The following ONECUT3 variants were observed in gnomAD, a reference collection of about 807,000 sequenced individuals.
ONECUT3 encodes one cut domain family member 3.
A neutral mutation model predicts 16.8 loss-of-function variants in ONECUT3; 11 were observed. The ratio of observed to expected loss-of-function variants is 0.66; its 90% confidence interval spans 0.41 to 1.09. The LOEUF is 1.09. Ranked by LOEUF, ONECUT3 falls within the 50% of genes least tolerant of loss-of-function variation. ONECUT3 has a pLI of 0.00. For synonymous variants in ONECUT3, 344 were observed against 310.7 expected, an observed-to-expected ratio of 1.11 and a Z score of -1.13; for missense variants, 637 against 629.9, an observed-to-expected ratio of 1.01 and a Z score of -0.12.
intron 1 of ONECUT3, among the ~76,000 whole-genome samples, chr19:1,774,785 T>C (rs1600363342): frequency 1.3e-5 from 2 of 151,700 alleles, no homozygotes; most frequent in Non-Finnish European, 2.9e-5. Context: ...TCACACTGTG[T>C]CCCCTTCTTT....
In ONECUT3 at chr19:1,779,735, G is replaced by A. The variant is rs1338235024; in HGVS notation, c.*4290G>A. Reference sequence around the variant, plus strand: ...GCATCTGTGTGTCTGGTGCCTGATCGGTGCTGTTCAGTGGTTTTTCGTTAC... The same window carrying A: ...GCATCTGTGTGTCTGGTGCCTGATCAGTGCTGTTCAGTGGTTTTTCGTTAC... On this transcript the variant is annotated 3_prime_UTR_variant, in exon 2 of 2. Transcript: ENST00000382349. 2 of 151,832 alleles carry A rather than the reference G, an allele frequency of 1.3e-5. No homozygotes were observed. Among genetic ancestry groups the A allele is most frequent in the African/African-American group, 2.4e-5 (1 of 41,306 alleles). The allele number at this position is 151,832 out of a possible 1,614,324, so 9.4% of individuals were successfully genotyped here.
Position 1,753,848 on chromosome 19 carries a change from T to C in ONECUT3, c.186T>C (p.Gly62=), listed in dbSNP as rs940657435. ...SLLDGGGGGG[G]GGAGGAGGAG... is the part of the protein sequence containing the mutation. ...TGGACGGCGGCGGCGGCGGCGGCGG[T>C]GGGGGCGCCGGGGGCGCGGGCGGCG... Residue 62 remains glycine (G), a synonymous_variant, in exon 1 of 2, where the codon GGT becomes GGC. Coordinates refer to ENST00000382349, the MANE Select transcript of ONECUT3 (RefSeq NM_001080488.2). The C allele has an allele frequency of 2.0e-5, 19 of 948,720 alleles. No homozygotes were observed. The highest frequency in any genetic ancestry group is 9.6e-5 in the South Asian group (2 of 20,840). 58.8% of individuals were successfully genotyped at this position (948,720 alleles called of 1,614,324 possible).
At position 1,753,758 on chromosome 19, in the gene ONECUT3, G is replaced by A. The variant is rs966994699; in HGVS notation, c.96G>A (p.Ala32=). 9.9e-6 allele frequency: 10 copies of A among 1,007,942 alleles called. No homozygotes were observed. In the African/African-American group the frequency reaches 1.6e-4, roughly 16 times the overall value. 62.4% of individuals were successfully genotyped at this position (1,007,942 alleles called of 1,614,324 possible). Reference sequence around the variant, plus strand: ...GCCCGGGCCACGCGCGCTCGGCGGCGGCGCAGCACCGCGGCCTGGTGGCGC... The same window carrying A: ...GCCCGGGCCACGCGCGCTCGGCGGCAGCGCAGCACCGCGGCCTGGTGGCGC... ...LLSPGHARSA[A]AQHRGLVAPG... is the part of the protein sequence containing the mutation. Residue 32 remains alanine (A), a synonymous_variant, in exon 1 of 2, where the codon GCG becomes GCA. Coordinates refer to ENST00000382349, the MANE Select transcript of ONECUT3 (RefSeq NM_001080488.2).
At chr19:1,765,674 C>T (rs895339931) in intron 1 of ONECUT3, among the ~76,000 whole-genome samples, 8 of 152,308 alleles carry the variant, frequency 5.3e-5, no homozygotes, top group Non-Finnish European at 1.0e-4. Context: ...TCGTGACTCT[C>T]GGGACTGCGG....
chr19:1,775,844 A>G lies in ONECUT3; in HGVS notation c.*399A>G, dbSNP rs925294642. ...TATAAACCGGGTATTTAAAAATGGA[A>G]TTTTAAAGAATAACCCCTCCTCCGT... On this transcript the variant is annotated 3_prime_UTR_variant, in exon 2 of 2. Transcript: ENST00000382349. 1.3e-5 allele frequency: 2 copies of G among 156,146 alleles called. No individual in the cohort carries two copies. The highest frequency in any genetic ancestry group is 4.8e-5 in the African/African-American group (2 of 41,516). 9.7% of individuals were successfully genotyped at this position (156,146 alleles called of 1,614,324 possible). A position where few individuals can be genotyped will look rare whatever the true frequency, so the allele number is the denominator to read the frequency against.
intron 1 of ONECUT3, among the ~76,000 whole-genome samples, chr19:1,760,363 C>T (rs572602500): frequency 3.3e-5 from 5 of 150,792 alleles, no homozygotes; most frequent in East Asian, 2.0e-4. Flanking sequence ...AGGAAGGTGA[C>T]GCTTCGGGAC....
At chr19:1,772,079 T>C (rs1362667318) in intron 1 of ONECUT3, among the ~76,000 whole-genome samples, 1 of 151,850 alleles carries the variant, frequency 6.6e-6, no homozygotes, top group African/African-American at 2.4e-5. Flanking sequence ...AGTGGTGTGA[T>C]CTCAGCTCAC....
chr19:1,757,006 C>T (rs1209829766), intron 1 of ONECUT3, among the ~76,000 whole-genome samples: 1 of 152,192 alleles, frequency 6.6e-6, no homozygotes, highest in Non-Finnish European at 1.5e-5. Flanking sequence ...CACCACTCTC[C>T]ATTTTTCCCA....
At position 1,777,469 on chromosome 19, in the gene ONECUT3, C is replaced by T. The variant is rs985237264; in HGVS notation, c.*2024C>T. ...GCACACAGAGACACACATGCAGATA[C>T]ACATGCACACACACATACACACACT... is the stretch of plus-strand genomic sequence containing the variant. On this transcript the variant is annotated 3_prime_UTR_variant, in exon 2 of 2. Coordinates refer to ENST00000382349, the MANE Select transcript of ONECUT3 (RefSeq NM_001080488.2). The T allele has an allele frequency of 4.0e-5, 6 of 150,236 alleles. No homozygotes were observed. Among genetic ancestry groups the T allele is most frequent in the Admixed American group, 6.6e-5 (1 of 15,114 alleles). The allele number at this position is 150,236 out of a possible 1,614,324, so 9.3% of individuals were successfully genotyped here.
intron 1 of ONECUT3, among the ~76,000 whole-genome samples, chr19:1,768,326 C>T (rs540893934): frequency 2.0e-5 from 3 of 151,926 alleles, no homozygotes; most frequent in Non-Finnish European, 4.4e-5. Context: ...CAGAGAGAAC[C>T]GTCGTGCAAA....
intron 1 of ONECUT3, among the ~76,000 whole-genome samples, chr19:1,757,591 G>A (rs2067923385): frequency 6.6e-6 from 1 of 152,022 alleles, no homozygotes; most frequent in Middle Eastern, 3.4e-3. Flanking sequence ...CCGCGGCCGC[G>A]GGGTTCACGC....
chr19:1,762,628 C>A lies in ONECUT3; in HGVS notation c.1192+7774C>A, dbSNP rs1480286694. Among the ~76,000 whole-genome samples the A allele has an allele frequency of 1.3e-5, 2 of 152,258 alleles. No individual in the cohort carries two copies. Among genetic ancestry groups the A allele is most frequent in the African/African-American group, 4.8e-5 (2 of 41,472 alleles). On this transcript the variant is annotated intron_variant, in intron 1 of 1. Transcript: ENST00000382349. This position sits in a 1 kb window ranked among gnomAD's most constrained non-coding sequence, Gnocchi z 4.4. ...TGACAGGACCTGGACGCACGTGCCC[C>A]GGCGCCAGGAGACCCGGGACCCGGG...
In ONECUT3 at chr19:1,754,952, A is replaced by G. The variant is rs999206173; in HGVS notation, c.1192+98A>G. On this transcript the variant is annotated intron_variant, in intron 1 of 1. Transcript: ENST00000382349. The surrounding 1 kb of genome is among the most constrained non-coding windows in gnomAD (Gnocchi z 7.4). ...GGCCGATGCCCGGGGCCAGCGCCCC[A>G]AGCCCCGCCCGTGCGCCCCGGCAGC... is the stretch of plus-strand genomic sequence containing the variant. 1.2e-5 allele frequency: 15 copies of G among 1,267,064 alleles called. No homozygotes were observed. The highest frequency in any genetic ancestry group is 1.6e-5 in the African/African-American group (1 of 64,010). The allele number at this position is 1,267,064 out of a possible 1,614,324, so 78.5% of individuals were successfully genotyped here. A position where few individuals can be genotyped will look rare whatever the true frequency, so the allele number is the denominator to read the frequency against.
In ONECUT3 at chr19:1,779,703, C is replaced by G. The variant is rs2068140837; in HGVS notation, c.*4258C>G. On this transcript the variant is annotated 3_prime_UTR_variant, in exon 2 of 2. Transcript: ENST00000382349. ...GGGGGGCGGGGGGCGTGGCCCGGTT[C>G]CGTGTCGCATCTGTGTGTCTGGTGC... is the stretch of plus-strand genomic sequence containing the variant. 2 of 151,884 alleles carry G rather than the reference C, an allele frequency of 1.3e-5. No homozygotes were observed. Among genetic ancestry groups the G allele is most frequent in the Admixed American group, 1.3e-4 (2 of 15,254 alleles). 9.4% of individuals were successfully genotyped at this position (151,884 alleles called of 1,614,324 possible).
Position 1,755,882 on chromosome 19 carries a change from G to C in ONECUT3, c.1192+1028G>C, listed in dbSNP as rs2067913829. On this transcript the variant is annotated intron_variant, in intron 1 of 1. Coordinates refer to ENST00000382349, the MANE Select transcript of ONECUT3 (RefSeq NM_001080488.2). The surrounding 1 kb of genome is among the most constrained non-coding windows in gnomAD (Gnocchi z 7.5). ...GGCCAGGCCCCCATTTCCTAGGTGGGGGTGTAAGGGTGCAGGAGGGCCCCT... is the reference window on the plus strand; with the variant it reads ...GGCCAGGCCCCCATTTCCTAGGTGGCGGTGTAAGGGTGCAGGAGGGCCCCT... Among the ~76,000 whole-genome samples, 1 of 151,856 alleles carries C rather than the reference G, an allele frequency of 6.6e-6. No homozygotes were observed. The highest frequency in any genetic ancestry group is 1.9e-4 in the East Asian group (1 of 5,170).
At chr19:1,774,699 G>T (rs892413900) in intron 1 of ONECUT3, among the ~76,000 whole-genome samples, 4 of 150,364 alleles carry the variant, frequency 2.7e-5, no homozygotes, top group African/African-American at 9.8e-5. Flanking sequence ...GGGGGTATGA[G>T]GCTTGGGGGG....
intron 1 of ONECUT3, 46 bp from the exon 2 acceptor site, chr19:1,775,107 G>A (rs866893486): frequency 7.6e-7 from 1 of 1,317,496 alleles, no homozygotes; most frequent in Non-Finnish European, 1.0e-6. Flanking sequence ...CGGCCACACG[G>A]TGGCGCTGTG....
rs966830729 is a variant in ONECUT3 at position 1,762,884 on chromosome 19, C to T, written c.1192+8030C>T. Among the ~76,000 whole-genome samples the T allele has an allele frequency of 3.9e-5, 6 of 152,218 alleles. No individual in the cohort carries two copies. The highest frequency in any genetic ancestry group is 1.4e-4 in the African/African-American group (6 of 41,466). On this transcript the variant is annotated intron_variant, in intron 1 of 1. Transcript: ENST00000382349. The surrounding 1 kb of genome is among the most constrained non-coding windows in gnomAD (Gnocchi z 4.4). The stretch of plus-strand genomic sequence containing the variant: ...GACAAGACACGTTCCTCCTCCCCTC[C>T]TCCACCTCCCTTGTTTTTGCTCCCT...
rs1442443655 is a variant in ONECUT3, at chr19:1,771,312, CT to C, written c.1193-3834del. Among the ~76,000 whole-genome samples the C allele has an allele frequency of 1.3e-5, 2 of 152,118 alleles. 1 individual carries two copies. Among genetic ancestry groups the C allele is most frequent in the African/African-American group, 4.8e-5 (2 of 41,424 alleles). ...CACATTTTCTGAATCCCACACCATC[CT>C]TTTTTTATTTACCTCCTCGTTTGAA... On this transcript the variant is annotated intron_variant, in intron 1 of 1. Transcript: ENST00000382349.
Sources: gnomAD v4.1 joint callset for allele counts (sites outside exome capture counted in the v4.1 genomes callset) on GRCh38, gnomAD v4.1.1 for gene constraint, Gnocchi (gnomAD v3.1) non-coding constraint, MANE v1.5 for transcripts, NCBI Gene and HGNC (gene_info 2026-07-23, HGNC 2026-07-21) for gene names.